The following PTPRD variants were observed in gnomAD, a reference collection of about 807,000 sequenced individuals.
The protein encoded by PTPRD is protein tyrosine phosphatase receptor type D.
PTPRD carries 34 observed loss-of-function variants against 214.5 expected under a neutral mutation model. The ratio of observed to expected loss-of-function variants is 0.16; its 90% CI spans 0.12 to 0.21. PTPRD has a LOEUF of 0.21. Among genes scored for constraint, PTPRD ranks in the 10% least tolerant of loss-of-function variants. The pLI is 1.00. For missense variants in PTPRD, 2,545 were observed against 2,398.7 expected, an observed-to-expected ratio of 1.06 and a Z score of -1.27; for synonymous variants, 1,128 against 845.7, an observed-to-expected ratio of 1.33 and a Z score of -5.79.
At chr9:8,467,913 G>A (rs757027540) in intron 31 of PTPRD, among the ~76,000 whole-genome samples, 1 of 151,920 alleles carries the variant, frequency 6.6e-6, no homozygotes, top group Non-Finnish European at 1.5e-5. Flanking sequence ...CAGAGGTGCT[G>A]AACAGTTTTT....
chr9:9,394,772 T>C (rs556877806), intron 9 of PTPRD, among the ~76,000 whole-genome samples: 4 of 152,052 alleles, frequency 2.6e-5, no homozygotes, highest in African/African-American at 9.6e-5. Context: ...AGAGAGATGG[T>C]GTTGTGTGGT....
At chr9:9,534,605 C>G (rs553075462) in intron 8 of PTPRD, among the ~76,000 whole-genome samples, 3 of 152,090 alleles carry the variant, frequency 2.0e-5, no homozygotes, top group African/African-American at 7.2e-5. Context: ...TAAGACACCA[C>G]GTTTTATTTA....
chr9:9,487,024 A>G (rs893109510), intron 8 of PTPRD, among the ~76,000 whole-genome samples: 1 of 152,170 alleles, frequency 6.6e-6, no homozygotes, highest in African/African-American at 2.4e-5. Context: ...AGTTTTAATA[A>G]TAAAATAGAG....
chr9:8,907,795 T>C (rs962554109), intron 11 of PTPRD, among the ~76,000 whole-genome samples: 4 of 151,972 alleles, frequency 2.6e-5, no homozygotes, highest in African/African-American at 7.2e-5. Flanking sequence ...GAAATGAGTA[T>C]AGCTCCAGGG....
intron 9 of PTPRD, among the ~76,000 whole-genome samples, chr9:9,222,703 C>T (rs1467090167): frequency 6.6e-6 from 1 of 151,970 alleles, no homozygotes; most frequent in Non-Finnish European, 1.5e-5. Flanking sequence ...TATCAGTCTT[C>T]AAACTATTAG....
Position 9,417,485 on chromosome 9 carries a change from G to C in PTPRD, c.-236-20003C>G, listed in dbSNP as rs10977737. 3.6e-3 allele frequency among the ~76,000 whole-genome samples: 542 copies of C among 152,166 alleles called. 9 individuals carry two copies. The East Asian group carries it at 0.037, about 10-fold the overall frequency. On this transcript the variant is annotated intron_variant, in intron 8 of 45. Coordinates refer to ENST00000381196, the MANE Select transcript of PTPRD (RefSeq NM_002839.4). Reference sequence around the variant, plus strand: ...AACAGCTGCATGTTCTCCTTGCTAAGGAGGGGACAATTTTGCTTTGATGCC... The same window carrying C: ...AACAGCTGCATGTTCTCCTTGCTAACGAGGGGACAATTTTGCTTTGATGCC...
At chr9:8,898,536 A>G (rs2098639225) in intron 11 of PTPRD, among the ~76,000 whole-genome samples, 1 of 152,242 alleles carries the variant, frequency 6.6e-6, no homozygotes, top group African/African-American at 2.4e-5. Context: ...TAATAAAAGT[A>G]TTGCATTACA....
intron 12 of PTPRD, among the ~76,000 whole-genome samples, chr9:8,718,331 C>T (rs1004114822): frequency 5.9e-5 from 9 of 152,104 alleles, no homozygotes; most frequent in African/African-American, 9.7e-5. Flanking sequence ...GATCTCAGAA[C>T]GCAAGTAACT....
intron 3 of PTPRD, among the ~76,000 whole-genome samples, chr9:10,289,819 T>C (rs1282206639): frequency 1.3e-5 from 2 of 152,012 alleles, no homozygotes; most frequent in East Asian, 1.9e-4. Flanking sequence ...ATACAAGAAA[T>C]TGTAATAAAG....
intron 7 of PTPRD, among the ~76,000 whole-genome samples, chr9:9,662,267 G>A (rs1032510135): frequency 6.6e-6 from 1 of 151,470 alleles, no homozygotes; most frequent in African/African-American, 2.4e-5. Context: ...TAATTGTTCT[G>A]GGAGTGACAT....
intron 12 of PTPRD, among the ~76,000 whole-genome samples, chr9:8,708,083 G>C (rs1011274392): frequency 2.6e-5 from 4 of 152,166 alleles, no homozygotes; most frequent in Non-Finnish European, 5.9e-5. Context: ...AGGCACCTCT[G>C]AAATAAAGGG....
chr9:9,439,269 C>A (rs541639105), intron 8 of PTPRD, among the ~76,000 whole-genome samples: 18 of 152,116 alleles, frequency 1.2e-4, no homozygotes, highest in African/African-American at 4.3e-4. Flanking sequence ...ATAATCATTT[C>A]TTAGGGTACA....
At chr9:8,545,947 C>A (rs1233803465) in intron 14 of PTPRD, among the ~76,000 whole-genome samples, 1 of 152,178 alleles carries the variant, frequency 6.6e-6, no homozygotes, top group Admixed American at 6.5e-5. Flanking sequence ...ACTTTGTCCA[C>A]CTCAATTTAT....
Position 8,736,248 on chromosome 9 carries a change from T to C in PTPRD, c.-103-2302A>G, listed in dbSNP as rs183416966. On this transcript the variant is annotated intron_variant, in intron 11 of 45. Transcript: ENST00000381196. ...GTATAATTCTTCACGTGTTAAATAA[T>C]TGTACCTATAGAACCCTCAATAAAT... Among the ~76,000 whole-genome samples, 9 of 152,302 alleles carry C rather than the reference T, an allele frequency of 5.9e-5. No homozygotes were observed. In the East Asian group the frequency reaches 1.5e-3, roughly 26 times the overall value.
At position 10,405,170 on chromosome 9, in the gene PTPRD, A is replaced by C. The variant is rs1353290025; in HGVS notation, c.-599-64153T>G. 8.6e-5 allele frequency among the ~76,000 whole-genome samples: 13 copies of C among 151,790 alleles called. No homozygotes were observed. In the East Asian group the frequency reaches 1.6e-3, roughly 18 times the overall value. ...TACAAAATTAACCTTCCAAAAAAGG[A>C]ACTGGGGTCAGCTCTTAGATAGATT... On this transcript the variant is annotated intron_variant, in intron 2 of 45. Transcript: ENST00000381196.
At chr9:10,320,166 T>C (rs1438411884) in intron 3 of PTPRD, among the ~76,000 whole-genome samples, 2 of 152,062 alleles carry the variant, frequency 1.3e-5, no homozygotes, top group Non-Finnish European at 2.9e-5. Flanking sequence ...AAGGGATGTC[T>C]AAACATCAAT....
rs1262525916 is a variant in PTPRD at position 10,285,874 on chromosome 9, G to T, written c.-545+55089C>A. On this transcript the variant is annotated intron_variant, in intron 3 of 45. Coordinates refer to ENST00000381196, the MANE Select transcript of PTPRD (RefSeq NM_002839.4). ...TCCGCCCGCCTCGGCCTCCCAAAGT[G>T]CTGGGATACAGGCGTGAGCTACTGT... Among the ~76,000 whole-genome samples, 5 of 152,144 alleles carry T rather than the reference G, an allele frequency of 3.3e-5. No individual in the cohort carries two copies. The East Asian group carries it at 7.8e-4, about 24-fold the overall frequency.
chr9:9,677,060 T>C (rs1182797280), intron 7 of PTPRD, among the ~76,000 whole-genome samples: 2 of 152,180 alleles, frequency 1.3e-5, no homozygotes, highest in African/African-American at 4.8e-5. Flanking sequence ...GCAAAAATTT[T>C]CTCCCATTTT....
chr9:9,761,654 C>A (rs2098657994), intron 6 of PTPRD, among the ~76,000 whole-genome samples: 1 of 152,030 alleles, frequency 6.6e-6, no homozygotes, highest in Non-Finnish European at 1.5e-5. Context: ...TTAGGGAAAA[C>A]TTGGCAATGT....
Sources: allele counts gnomAD v4.1 joint callset (sites outside exome capture counted in the v4.1 genomes callset), GRCh38; gene constraint gnomAD v4.1.1; transcripts MANE v1.5; gene names NCBI Gene and HGNC (gene_info 2026-07-23, HGNC 2026-07-21).